Variants in IGFN1 observed in about 807,000 individuals in gnomAD.
The protein encoded by IGFN1 is immunoglobulin-like and fibronectin type III domain-containing protein 1.
Under a neutral mutation model 289.5 loss-of-function variants are expected in IGFN1, and 253 were observed. The ratio of observed to expected loss-of-function variants is 0.87; its 90% confidence interval spans 0.79 to 0.97. IGFN1 has a LOEUF of 0.97. Ranked by LOEUF, IGFN1 falls within the 50% of genes least tolerant of loss-of-function variation. The pLI is 0.00. For missense variants in IGFN1, 4,470 were observed against 4,686.1 expected, an observed-to-expected ratio of 0.95 and a Z score of 1.35; for synonymous variants, 1,706 against 1,788.5, an observed-to-expected ratio of 0.95 and a Z score of 1.16.
intron 15 of IGFN1, chr1:201,216,245 G>T: frequency 5.0e-6 from 3 of 601,064 alleles, no homozygotes; most frequent in Non-Finnish European, 5.9e-6. Context: ...GTGCATGTGT[G>T]TGTTGGGGGT....
At position 201,207,920 on chromosome 1, in the gene IGFN1, C is replaced by G. The variant is rs1205831657; in HGVS notation, c.3027C>G (p.Tyr1009Ter). Residue 1009 changes from tyrosine (Y) to a stop codon, truncating the protein, a stop_gained, in exon 12 of 24, where the codon TAC becomes TAG. Transcript: ENST00000335211. LOFTEE classifies it high-confidence loss of function. ...TGGAGTCTGAGGAAGGGGGTGGGTA[C>G]AGGCATGGCTCCGGAGCGCCTGGGG... ...AGVESEEGGG[Y>*]RHGSGAPGGV... The G allele has an allele frequency of 1.3e-6, 2 of 1,536,666 alleles. No individual in the cohort carries two copies. Among genetic ancestry groups the G allele is most frequent in the Non-Finnish European group, 1.7e-6 (2 of 1,146,738 alleles).
intron 15 of IGFN1, 194 bp downstream of exon 15, chr1:201,216,032 G>A (rs1156695634): frequency 2.7e-6 from 2 of 734,370 alleles, no homozygotes; most frequent in African/African-American, 1.7e-5. Context: ...ACACAGTGCT[G>A]GGCTCCTGCT....
intron 23 of IGFN1, among the ~76,000 whole-genome samples, chr1:201,227,621 G>A (rs967096572): frequency 2.0e-5 from 3 of 151,732 alleles, no homozygotes; most frequent in Non-Finnish European, 4.4e-5. Flanking sequence ...ATAGAAGGGG[G>A]GTTTCATCAT....
Position 201,228,530 on chromosome 1 carries a change from T to C in IGFN1, c.*131T>C. 9.7e-7 allele frequency: 1 copy of C among 1,032,654 alleles called. No homozygotes were observed. Among genetic ancestry groups the C allele is most frequent in the Non-Finnish European group, 1.5e-6 (1 of 657,066 alleles). 64.0% of individuals were successfully genotyped at this position (1,032,654 alleles called of 1,614,324 possible). A position where few individuals can be genotyped will look rare whatever the true frequency, so the allele number is the denominator to read the frequency against. ...AGGAAAATGGGAGTGAGAAGATGCC[T>C]GGCGAGGTTTTGGCCAGGAGGACGT... On this transcript the variant is annotated 3_prime_UTR_variant, in exon 24 of 24. Coordinates refer to ENST00000335211, the MANE Select transcript of IGFN1 (RefSeq NM_001164586.2).
Position 201,197,941 on chromosome 1 carries a change from C to T in IGFN1, c.367+624C>T, listed in dbSNP as rs541948525. ...TTCACATAAGAAGTTTTGCGAGTGGCGTCCAGGGCTCATACCACAGCTCAG... is the reference window on the plus strand; with the variant it reads ...TTCACATAAGAAGTTTTGCGAGTGGTGTCCAGGGCTCATACCACAGCTCAG... On this transcript the variant is annotated intron_variant, in intron 5 of 23. Coordinates refer to ENST00000335211, the MANE Select transcript of IGFN1 (RefSeq NM_001164586.2). Among the ~76,000 whole-genome samples the T allele has an allele frequency of 6.6e-5, 10 of 152,260 alleles. No individual in the cohort carries two copies. The South Asian group carries it at 1.9e-3, about 28-fold the overall frequency.
At chr1:201,194,303 G>A (rs1381799999) in intron 3 of IGFN1, 30 bp downstream of exon 3, 1 of 1,549,494 alleles carries the variant, frequency 6.5e-7, no homozygotes, top group Admixed American at 2.0e-5. Context: ...GCGGAGGGGA[G>A]GCAAGATTCT....
rs775262317 is a variant in IGFN1 at position 201,218,556 on chromosome 1, C to T, written c.9796C>T (p.Arg3266Trp). ...PERRWTVADV[R>W]QGCQYEFRVT... ...GAGGAGGTGGACGGTGGCGGACGTG[C>T]GGCAGGGCTGTCAGTATGAGTTCCG... The change falls in exon 18 of 24, where the codon CGG becomes TGG. Residue 3266 changes from arginine to tryptophan, a missense_variant. This residue lies in a region of IGFN1 where 2,218 missense variants were observed against 2,114.1 expected (regional missense o/e 1.05). Coordinates refer to ENST00000335211, the MANE Select transcript of IGFN1 (RefSeq NM_001164586.2). 22 of 1,613,196 alleles carry T rather than the reference C, an allele frequency of 1.4e-5. 1 individual carries two copies. Among genetic ancestry groups the T allele is most frequent in the East Asian group, 2.2e-5 (1 of 44,866 alleles).
rs1212755520 is a variant in IGFN1 at position 201,212,439 on chromosome 1, C to T, written c.7546C>T (p.Pro2516Ser). The T allele has an allele frequency of 5.9e-6, 9 of 1,537,140 alleles. No individual in the cohort carries two copies. Among genetic ancestry groups the T allele is most frequent in the Non-Finnish European group, 7.8e-6 (9 of 1,146,786 alleles). The change falls in exon 12 of 24, where the codon CCA becomes TCA. Residue 2516 changes from proline to serine, a missense_variant. Around this residue, in one of 8 missense-constraint regions of IGFN1, gnomAD observed 2,218 missense variants for 2,114.1 expected, o/e 1.05. Transcript: ENST00000335211. ...RGAPRVKDRS[P>S]DQAGIMGASG... Reference sequence around the variant, plus strand: ...GGCTCCCAGGGTGAAGGATAGGTCTCCAGACCAAGCAGGGATAATGGGGGC... The same window carrying T: ...GGCTCCCAGGGTGAAGGATAGGTCTTCAGACCAAGCAGGGATAATGGGGGC...
Position 201,211,688 on chromosome 1 carries a change from C to G in IGFN1, c.6795C>G (p.Tyr2265Ter). ...GAPEEMGSGS[Y>*]TDYRNGLGSS... ...CTGAGGAAATGGGTTCAGGCAGTTACACAGATTACAGGAATGGTTTAGGCA... is the reference window on the plus strand; with the variant it reads ...CTGAGGAAATGGGTTCAGGCAGTTAGACAGATTACAGGAATGGTTTAGGCA... Residue 2265 changes from tyrosine (Y) to a stop codon, truncating the protein, a stop_gained, in exon 12 of 24, where the codon TAC becomes TAG. Coordinates refer to ENST00000335211, the MANE Select transcript of IGFN1 (RefSeq NM_001164586.2). LOFTEE classifies it high-confidence loss of function. The G allele has an allele frequency of 1.3e-6, 2 of 1,536,808 alleles. No homozygotes were observed. The highest frequency in any genetic ancestry group is 1.7e-6 in the Non-Finnish European group (2 of 1,146,758).
chr1:201,225,892 G>C lies in IGFN1; in HGVS notation c.10555G>C (p.Glu3519Gln). ...NVPGTVTAEW[E>Q]PSPDEAQDVP... ...GCCTGGGACGGTGACGGCCGAGTGG[G>C]AACCCTCTCCTGACGAGGCCCAGGA... Residue 3519 changes from glutamate to glutamine, a missense_variant, in exon 22 of 24, where the codon GAA becomes CAA. Physicochemically the swap from Glu to Gln is conservative, Grantham distance 29 (BLOSUM62 2). Coordinates refer to ENST00000335211, the MANE Select transcript of IGFN1 (RefSeq NM_001164586.2). The C allele has an allele frequency of 6.2e-7, 1 of 1,612,718 alleles. No homozygotes were observed. Among genetic ancestry groups the C allele is most frequent in the South Asian group, 1.1e-5 (1 of 90,898 alleles).
Position 201,212,259 on chromosome 1 carries a change from ACT to A in IGFN1, c.7369_7370del (p.Leu2457PhefsTer3). The A allele has an allele frequency of 6.5e-7, 1 of 1,535,454 alleles. No individual in the cohort carries two copies. The highest frequency in any genetic ancestry group is 8.7e-7 in the Non-Finnish European group (1 of 1,146,352). Reference protein sequence around the residue: ...GVLGSQGGRQTLSDERGSTKD... With the variant: ...GVLGSQGGRQXLSDERGSTKD... Reference sequence around the variant, plus strand: ...GCTGGGGTCTCAGGGAGGGCGACAGACTCTTTCAGATGAGCGAGGCTCCACCA... The same window carrying A: ...GCTGGGGTCTCAGGGAGGGCGACAGACTTTCAGATGAGCGAGGCTCCACCA... On this transcript the variant is annotated frameshift_variant, in exon 12 of 24. Transcript: ENST00000335211. LOFTEE classifies it high-confidence loss of function.
At position 201,214,198 on chromosome 1, in the gene IGFN1, AG is replaced by A. The variant is rs1558152505; in HGVS notation, c.8753del (p.Gly2918AlafsTer68). 15 of 1,613,154 alleles carry A rather than the reference AG, an allele frequency of 9.3e-6. No homozygotes were observed. The highest frequency in any genetic ancestry group is 1.3e-5 in the Non-Finnish European group (15 of 1,179,572). On this transcript the variant is annotated frameshift_variant, in exon 13 of 24. Transcript: ENST00000335211. LOFTEE classifies it high-confidence loss of function. The stretch of plus-strand genomic sequence containing the variant: ...CCAGGCCCCATGGGCCACTTCTCCC[AG>A]GGCCTGGCTGACATGGAAGTGCAGC... The part of the protein sequence containing the change: ...DAQGPMGHFS[Q>X]GLADMEVQPG...
chr1:201,206,246 T>C lies in IGFN1; in HGVS notation c.1353T>C (p.Ala451=). The C allele has an allele frequency of 1.3e-6, 2 of 1,547,394 alleles. No individual in the cohort carries two copies. Among genetic ancestry groups the C allele is most frequent in the Non-Finnish European group, 1.7e-6 (2 of 1,145,518 alleles). The change falls in exon 12 of 24, where the codon GCT becomes GCC. Residue 451 remains alanine, a synonymous_variant. Coordinates refer to ENST00000335211, the MANE Select transcript of IGFN1 (RefSeq NM_001164586.2). Reference sequence around the variant, plus strand: ...GCTCCCTTGAAGGGGCTGGGCCGGCTTCTGGGCTCCAGCACATAGCCAGCC... The same window carrying C: ...GCTCCCTTGAAGGGGCTGGGCCGGCCTCTGGGCTCCAGCACATAGCCAGCC... ...RGGSLEGAGP[A]SGLQHIASPD... is the part of the protein sequence containing the mutation.
Position 201,215,639 on chromosome 1 carries a change from C to T in IGFN1, c.9096C>T (p.His3032=), listed in dbSNP as rs1653188648. The part of the protein sequence containing the change: ...PVIVKIPFQS[H]LPIQAAWRKD... ...TAGTGAAGATCCCCTTCCAGAGCCACCTCCCCATTCAGGCTGCCTGGAGGA... is the reference window on the plus strand; with the variant it reads ...TAGTGAAGATCCCCTTCCAGAGCCATCTCCCCATTCAGGCTGCCTGGAGGA... The change falls in exon 15 of 24, where the codon CAC becomes CAT. Residue 3032 remains histidine, a synonymous_variant. Coordinates refer to ENST00000335211, the MANE Select transcript of IGFN1 (RefSeq NM_001164586.2). The T allele has an allele frequency of 1.9e-6, 3 of 1,613,906 alleles. No homozygotes were observed. Among genetic ancestry groups the T allele is most frequent in the Non-Finnish European group, 1.7e-6 (2 of 1,179,984 alleles).
rs113803696 is a variant in IGFN1 at position 201,194,789 on chromosome 1, G to A, written c.127+516G>A. Among the ~76,000 whole-genome samples the A allele has an allele frequency of 1.5e-3, 225 of 152,310 alleles. 1 individual carries two copies. The highest frequency in any genetic ancestry group is 5.2e-3 in the African/African-American group (216 of 41,556). ...GCTTATTGGGGAAAAAGTGGGAATT[G>A]GTGTTCTTTCCCCAACACACACCCT... On this transcript the variant is annotated intron_variant, in intron 3 of 23. Coordinates refer to ENST00000335211, the MANE Select transcript of IGFN1 (RefSeq NM_001164586.2).
rs753268544 is a variant in IGFN1, at chr1:201,207,152, G to A, written c.2259G>A (p.Leu753=). The A allele has an allele frequency of 6.5e-7, 1 of 1,537,020 alleles. No homozygotes were observed. Among genetic ancestry groups the A allele is most frequent in the South Asian group, 1.2e-5 (1 of 84,058 alleles). Residue 753 remains leucine (L), a synonymous_variant, in exon 12 of 24, where the codon CTG becomes CTA. Coordinates refer to ENST00000335211, the MANE Select transcript of IGFN1 (RefSeq NM_001164586.2). ...GSPEIKAEDS[L]QEADGICRGE... is the part of the protein sequence containing the mutation. ...CTGAGATCAAAGCTGAAGACTCACT[G>A]CAGGAGGCAGATGGTATATGCCGGG...
At chr1:201,217,538 T>C (rs141198021) in intron 17 of IGFN1, 78 bp downstream of exon 17, 1 of 1,482,366 alleles carries the variant, frequency 6.7e-7, no homozygotes, top group East Asian at 2.3e-5. Flanking sequence ...CAGTTCAGAT[T>C]GGTTTAATAC....
At position 201,193,280 on chromosome 1, in the gene IGFN1, G is replaced by A; in HGVS notation, c.-14G>A. On this transcript the variant is annotated 5_prime_UTR_variant, in exon 2 of 24. Coordinates refer to ENST00000335211, the MANE Select transcript of IGFN1 (RefSeq NM_001164586.2). The stretch of plus-strand genomic sequence containing the variant: ...AACTTCTACCCTCAGAGGAGTCAAA[G>A]AGGAGGCAGAACTATGGCAGGTAAG... 6.5e-7 allele frequency: 1 copy of A among 1,537,972 alleles called. No homozygotes were observed. Among genetic ancestry groups the A allele is most frequent in the South Asian group, 1.2e-5 (1 of 83,902 alleles).
chr1:201,212,244 C>T lies in IGFN1; in HGVS notation c.7351C>T (p.Gln2451Ter). ...CAGGGGCACAGGGGTGCTGGGGTCT[C>T]AGGGAGGGCGACAGACTCTTTCAGA... ...SLRGTGVLGSQGGRQTLSDER... is the reference protein window; with the variant it reads ...SLRGTGVLGS Residue 2451 changes from glutamine to a stop codon, truncating the protein, a stop_gained, in exon 12 of 24, where the codon CAG becomes TAG. Coordinates refer to ENST00000335211, the MANE Select transcript of IGFN1 (RefSeq NM_001164586.2). LOFTEE classifies it high-confidence loss of function. 1 of 1,534,714 alleles carries T rather than the reference C, an allele frequency of 6.5e-7. No homozygotes were observed. Among genetic ancestry groups the T allele is most frequent in the African/African-American group, 1.4e-5 (1 of 73,054 alleles).
Sources: gnomAD v4.1 joint callset for allele counts (sites outside exome capture counted in the v4.1 genomes callset) on GRCh38, gnomAD v4.1.1 for gene constraint, gnomAD v4.1.1 regional missense constraint, MANE v1.5 for transcripts, NCBI Gene and HGNC (gene_info 2026-07-23, HGNC 2026-07-21) for gene names.